Variants in MALRD1 observed in about 807,000 individuals in gnomAD.
The protein encoded by MALRD1 is MAM and LDL receptor class A domain containing 1, also known as MAM and LDL-receptor class A domain-containing protein 1.
Under a neutral mutation model 242.1 loss-of-function variants are expected in MALRD1, and 247 were observed. That is an observed-to-expected ratio of 1.02 (90% CI 0.92 to 1.13). MALRD1 has a LOEUF of 1.13. Among genes scored for constraint, MALRD1 ranks in the 50% most tolerant of loss-of-function variants. The probability of loss-of-function intolerance (pLI) is 0.00; values close to 1 mark genes in which losing one functional copy is unlikely to be tolerated. For synonymous variants in MALRD1, 995 were observed against 866.6 expected (o/e 1.15, Z -2.60); for missense variants, 2,989 against 2,533.1 (o/e 1.18, Z -3.86).
chr10:19,170,791 C>A (rs1348126112), intron 13 of MALRD1, among the ~76,000 whole-genome samples: 1 of 152,114 alleles, frequency 6.6e-6, no homozygotes, highest in African/African-American at 2.4e-5. Context: ...TACTTCTATT[C>A]TCTAATCTTC....
intron 13 of MALRD1, among the ~76,000 whole-genome samples, chr10:19,166,249 T>C (rs1834681388): frequency 6.6e-6 from 1 of 152,250 alleles, no homozygotes; most frequent in Non-Finnish European, 1.5e-5. Flanking sequence ...CCTCACTTTC[T>C]GCTGCCTGGT....
intron 18 of MALRD1, among the ~76,000 whole-genome samples, chr10:19,253,508 C>T (rs920750526): frequency 6.6e-6 from 1 of 151,966 alleles, no homozygotes; most frequent in African/African-American, 2.4e-5. Context: ...AGCTCCAGGA[C>T]TGCCCCCATG....
chr10:19,206,961 G>A (rs745350467), intron 17 of MALRD1, among the ~76,000 whole-genome samples: 1 of 152,174 alleles, frequency 6.6e-6, no homozygotes, highest in Non-Finnish European at 1.5e-5. Flanking sequence ...TTAGTCACAA[G>A]TGAGGAAATA....
chr10:19,315,138 G>GTAAATATAATTTATATAAATATA (rs1842600422), intron 21 of MALRD1, among the ~76,000 whole-genome samples: 1 of 131,172 alleles, frequency 7.6e-6, no homozygotes, highest in African/African-American at 2.9e-5. Context: ...ATAGAAATAT[G>GTAAATATAATTTATATAAATATA]TAAATATAAT....
intron 32 of MALRD1, among the ~76,000 whole-genome samples, chr10:19,559,772 A>C (rs904057256): frequency 6.6e-6 from 1 of 152,146 alleles, no homozygotes; most frequent in Admixed American, 6.5e-5. Context: ...AATCTACAAG[A>C]AAGTTAAACA....
chr10:19,665,177 G>T (rs1239778053), intron 36 of MALRD1, among the ~76,000 whole-genome samples: 1 of 152,106 alleles, frequency 6.6e-6, no homozygotes, highest in Non-Finnish European at 1.5e-5. Flanking sequence ...CTCAGAGGTG[G>T]TTAGAATTTA....
intron 33 of MALRD1, among the ~76,000 whole-genome samples, chr10:19,577,752 C>CATATAT (rs568665337): frequency 6.6e-6 from 1 of 150,488 alleles, no homozygotes; most frequent in African/African-American, 2.4e-5. Flanking sequence ...TGTAACATAA[C>CATATAT]ATATATATAT....
chr10:19,052,162 C>G (rs1186498455), intron 1 of MALRD1: 3 of 429,308 alleles, frequency 7.0e-6, no homozygotes, highest in African/African-American at 6.3e-5. Context: ...CTAATGATGT[C>G]TAAAGAAAAT....
chr10:19,697,112 C>T (rs185760743), intron 38 of MALRD1, among the ~76,000 whole-genome samples: 1 of 152,054 alleles, frequency 6.6e-6, no homozygotes, highest in Admixed American at 6.6e-5. Flanking sequence ...CAGAAAAACA[C>T]ACATAAAAAT....
rs114542292 is a variant in MALRD1, at chr10:19,110,037, T to C, written c.694+5962T>C. On this transcript the variant is annotated intron_variant, in intron 5 of 39. Coordinates refer to ENST00000454679, the MANE Select transcript of MALRD1 (RefSeq NM_001142308.3). Reference sequence around the variant, plus strand: ...AGGGCAGTAAAGATAGGGTATTTTCTTCCATTTTCTATGAATCCAGTCTGA... The same window carrying C: ...AGGGCAGTAAAGATAGGGTATTTTCCTCCATTTTCTATGAATCCAGTCTGA... 2.7e-3 allele frequency among the ~76,000 whole-genome samples: 406 copies of C among 152,304 alleles called. 7 individuals are homozygous for C. The highest frequency in any genetic ancestry group is 9.4e-3 in the African/African-American group (390 of 41,562).
At chr10:19,697,543 G>T (rs887254533) in intron 38 of MALRD1, among the ~76,000 whole-genome samples, 1 of 152,094 alleles carries the variant, frequency 6.6e-6, no homozygotes, top group Non-Finnish European at 1.5e-5. Flanking sequence ...AACACAAAAA[G>T]TTTACTTTCA....
At chr10:19,596,600 G>A (rs368128308) in intron 34 of MALRD1, among the ~76,000 whole-genome samples, 2 of 151,866 alleles carry the variant, frequency 1.3e-5, no homozygotes, top group Non-Finnish European at 2.9e-5. Context: ...GTGTGGTGGT[G>A]CATGACTGTA....
chr10:19,278,980 G>T (rs1243247373), intron 19 of MALRD1, among the ~76,000 whole-genome samples: 1 of 152,128 alleles, frequency 6.6e-6, no homozygotes, highest in Non-Finnish European at 1.5e-5. Flanking sequence ...CCACCAAACT[G>T]GGAAGCAACA....
intron 1 of MALRD1, among the ~76,000 whole-genome samples, chr10:19,066,119 C>T (rs979471911): frequency 2.0e-5 from 3 of 152,104 alleles, no homozygotes; most frequent in Admixed American, 2.0e-4. Context: ...TACTTTAAAT[C>T]ATCTTTAGAC....
chr10:19,495,161 G>A (rs1837656975), intron 30 of MALRD1, among the ~76,000 whole-genome samples: 1 of 151,988 alleles, frequency 6.6e-6, no homozygotes, highest in South Asian at 2.1e-4. Flanking sequence ...ATTTTTAGTA[G>A]AGATGGGGTG....
intron 38 of MALRD1, among the ~76,000 whole-genome samples, chr10:19,720,270 T>A (rs1338089379): frequency 1.3e-5 from 2 of 152,206 alleles, no homozygotes; most frequent in Admixed American, 6.5e-5. Flanking sequence ...TGGGTACCTT[T>A]TACTGAAGCA....
chr10:19,655,161 AT>A (rs1480868837), intron 36 of MALRD1, among the ~76,000 whole-genome samples: 7 of 152,182 alleles, frequency 4.6e-5, no homozygotes, highest in African/African-American at 1.7e-4. Context: ...AAACATGCAT[AT>A]GTTGTTTTTT....
intron 28 of MALRD1, among the ~76,000 whole-genome samples, chr10:19,442,552 C>A (rs551923658): frequency 8.5e-5 from 13 of 152,096 alleles, no homozygotes; most frequent in African/African-American, 2.7e-4. Flanking sequence ...TTGTCAAAGG[C>A]CTTTTTTGCA....
At chr10:19,450,163 A>T (rs1288081804) in intron 28 of MALRD1, 144 bp from the exon 29 acceptor site, 1 of 708,080 alleles carries the variant, frequency 1.4e-6, no homozygotes, top group African/African-American at 1.8e-5. Context: ...TTGTAAGATC[A>T]CCTTTCACAG....
Sources: gnomAD v4.1 joint callset for allele counts (sites outside exome capture counted in the v4.1 genomes callset) on GRCh38, gnomAD v4.1.1 for gene constraint, MANE v1.5 for transcripts, NCBI Gene and HGNC (gene_info 2026-07-23, HGNC 2026-07-21) for gene names.